LHFPL3: variants seen among roughly 807,000 people sequenced by gnomAD.
LHFPL3 encodes the protein LHFPL tetraspan subfamily member 3, also known as LHFPL tetraspan subfamily member 3 protein.
A neutral mutation model predicts 19.3 loss-of-function variants in LHFPL3; 5 were observed. That is an observed-to-expected ratio of 0.26 (90% CI 0.14 to 0.54). The LOEUF (loss-of-function observed/expected upper bound fraction) is 0.54, where lower values mean the gene tolerates loss of function less well. Ranked by LOEUF, LHFPL3 falls within the 20% of genes least tolerant of loss-of-function variation. The pLI, the probability that LHFPL3 is intolerant of heterozygous loss-of-function variation, is 0.94. For missense variants in LHFPL3, 249 were observed against 307.4 expected (o/e 0.81, Z 1.42); for synonymous variants, 133 against 126.2 (o/e 1.05, Z -0.36).
At chr7:104,465,672 C>T (rs1411309742) in intron 1 of LHFPL3, among the ~76,000 whole-genome samples, 1 of 152,194 alleles carries the variant, frequency 6.6e-6, no homozygotes, top group South Asian at 2.1e-4. Context: ...AACTCACTCA[C>T]TATCATGAGA....
At chr7:104,636,987 T>C (rs1369185120) in intron 1 of LHFPL3, among the ~76,000 whole-genome samples, 2 of 152,200 alleles carry the variant, frequency 1.3e-5, no homozygotes, top group African/African-American at 2.4e-5. Context: ...GTTGAACTAA[T>C]TTACATTCCC....
intron 2 of LHFPL3, among the ~76,000 whole-genome samples, chr7:104,756,802 C>G (rs1397882353): frequency 6.6e-6 from 1 of 152,110 alleles, no homozygotes; most frequent in Non-Finnish European, 1.5e-5. Flanking sequence ...GCCCAGCCCA[C>G]AGTGTTACCT....
chr7:104,871,456 G>C (rs1265143928), intron 2 of LHFPL3, among the ~76,000 whole-genome samples: 2 of 152,168 alleles, frequency 1.3e-5, no homozygotes, highest in African/African-American at 2.4e-5. Flanking sequence ...GGATGTTACT[G>C]TACACTACTA....
chr7:104,884,167 C>T (rs1191807202), intron 2 of LHFPL3, among the ~76,000 whole-genome samples: 4 of 152,180 alleles, frequency 2.6e-5, no homozygotes, highest in Non-Finnish European at 2.9e-5. Flanking sequence ...CTTCGGTACA[C>T]GCCAGAAGCC....
intron 1 of LHFPL3, among the ~76,000 whole-genome samples, chr7:104,709,972 G>A (rs556542902): frequency 2.6e-5 from 4 of 152,314 alleles, no homozygotes; most frequent in Non-Finnish European, 4.4e-5. Context: ...CAAGGCAGGC[G>A]GCTGGGAGGT....
Position 104,522,411 on chromosome 7 carries a change from T to C in LHFPL3, c.445+193187T>C, listed in dbSNP as rs536653354. Among the ~76,000 whole-genome samples the C allele has an allele frequency of 3.0e-3, 123 of 41,198 alleles. 2 individuals carry two copies. The highest frequency in any genetic ancestry group is 9.1e-3 in the African/African-American group (109 of 12,014). 27.0% of individuals were successfully genotyped at this position (41,198 alleles called of 152,430 possible). On this transcript the variant is annotated intron_variant, in intron 1 of 2. Coordinates refer to ENST00000424859, the MANE Select transcript of LHFPL3 (RefSeq NM_199000.3). Reference sequence around the variant, plus strand: ...GTGGGGTGGGGGGAGGGGGGAGGGATGGATTGGGAGATATACCTAATGCGA... The same window carrying C: ...GTGGGGTGGGGGGAGGGGGGAGGGACGGATTGGGAGATATACCTAATGCGA...
At position 104,627,548 on chromosome 7, in the gene LHFPL3, A is replaced by G. The variant is rs568753795; in HGVS notation, c.446-109127A>G. Reference sequence around the variant, plus strand: ...AATTTCTAATTGATTATTAGTTTCAATGCATCTTTGTGTCATCCCAACAGC... The same window carrying G: ...AATTTCTAATTGATTATTAGTTTCAGTGCATCTTTGTGTCATCCCAACAGC... On this transcript the variant is annotated intron_variant, in intron 1 of 2. Coordinates refer to ENST00000424859, the MANE Select transcript of LHFPL3 (RefSeq NM_199000.3). Among the ~76,000 whole-genome samples, 5 of 152,278 alleles carry G rather than the reference A, an allele frequency of 3.3e-5. No individual in the cohort carries two copies. The East Asian group carries it at 7.7e-4, about 23-fold the overall frequency.
chr7:104,592,821 G>C (rs1202435537), intron 1 of LHFPL3, among the ~76,000 whole-genome samples: 1 of 152,034 alleles, frequency 6.6e-6, no homozygotes, highest in African/African-American at 2.4e-5. Flanking sequence ...CCCTCCCCCA[G>C]CCTCTCTGCC....
chr7:104,345,472 G>T (rs1244800556), intron 1 of LHFPL3, among the ~76,000 whole-genome samples: 10 of 151,958 alleles, frequency 6.6e-5, no homozygotes, highest in Non-Finnish European at 1.5e-4. Flanking sequence ...TACCACTTTT[G>T]GGAAAATGAC....
At chr7:104,403,841 C>T (rs1225535528) in intron 1 of LHFPL3, among the ~76,000 whole-genome samples, 1 of 151,954 alleles carries the variant, frequency 6.6e-6, no homozygotes, top group Non-Finnish European at 1.5e-5. Context: ...CTACAGTAAC[C>T]AAGCCTGATC....
At chr7:104,893,084 T>C (rs962750107) in intron 2 of LHFPL3, among the ~76,000 whole-genome samples, 8 of 151,924 alleles carry the variant, frequency 5.3e-5, no homozygotes, top group African/African-American at 1.9e-4. Context: ...TTTGATTGTA[T>C]GCACCTGTAG....
intron 1 of LHFPL3, among the ~76,000 whole-genome samples, chr7:104,563,719 C>G (rs372109801): frequency 8.2e-6 from 1 of 122,534 alleles, no homozygotes; most frequent in East Asian, 2.3e-4. Context: ...AGACTTTAAT[C>G]TGTAAACCAG....
chr7:104,708,036 A>G (rs1793224209), intron 1 of LHFPL3, among the ~76,000 whole-genome samples: 1 of 152,252 alleles, frequency 6.6e-6, no homozygotes, highest in Non-Finnish European at 1.5e-5. Context: ...CAGGAGGCTG[A>G]GTACCTAGAA....
At chr7:104,771,339 G>A (rs1794547211) in intron 2 of LHFPL3, among the ~76,000 whole-genome samples, 1 of 152,140 alleles carries the variant, frequency 6.6e-6, no homozygotes, top group Non-Finnish European at 1.5e-5. Flanking sequence ...GTTGAATAGG[G>A]CAGGAATTAC....
intron 2 of LHFPL3, among the ~76,000 whole-genome samples, chr7:104,846,068 G>T (rs1160190517): frequency 6.6e-6 from 1 of 152,222 alleles, no homozygotes; most frequent in African/African-American, 2.4e-5. Flanking sequence ...AGAATAATGG[G>T]TTCCAAGCCA....
intron 1 of LHFPL3, among the ~76,000 whole-genome samples, chr7:104,481,088 A>G (rs1464707999): frequency 6.6e-6 from 1 of 152,128 alleles, no homozygotes; most frequent in Non-Finnish European, 1.5e-5. Context: ...GGGCTGCCCT[A>G]ACACAGACAT....
At chr7:104,370,501 AAG>A (rs1230559111) in intron 1 of LHFPL3, among the ~76,000 whole-genome samples, 4 of 152,158 alleles carry the variant, frequency 2.6e-5, no homozygotes, top group Non-Finnish European at 5.9e-5. Context: ...AGCATCGAAA[AAG>A]AGAGTACTGG....
At chr7:104,535,502 T>C (rs140919612) in intron 1 of LHFPL3, among the ~76,000 whole-genome samples, 1 of 152,300 alleles carries the variant, frequency 6.6e-6, no homozygotes, top group Non-Finnish European at 1.5e-5. Flanking sequence ...CCCACTTCAA[T>C]AAATCCTTGA....
At chr7:104,716,670 A>G (rs1403038126) in intron 1 of LHFPL3, among the ~76,000 whole-genome samples, 1 of 152,216 alleles carries the variant, frequency 6.6e-6, no homozygotes, top group Non-Finnish European at 1.5e-5. Context: ...GAAAGAAATT[A>G]AGGAAGACAA....
Sources: allele counts gnomAD v4.1 joint callset (sites outside exome capture counted in the v4.1 genomes callset), GRCh38; gene constraint gnomAD v4.1.1; transcripts MANE v1.5; gene names NCBI Gene and HGNC (gene_info 2026-07-23, HGNC 2026-07-21).